KCNIP1: variants seen among roughly 807,000 people sequenced by gnomAD.
The protein encoded by KCNIP1 is A-type potassium channel modulatory protein KCNIP1.
Under a neutral mutation model 33.0 loss-of-function variants are expected in KCNIP1, and 18 were observed. The observed-to-expected ratio is 0.55, with a 90% CI of 0.38 to 0.81. The LOEUF is 0.81. Ranked by LOEUF, KCNIP1 falls within the 30% of genes least tolerant of loss-of-function variation. The pLI is 0.00. For missense variants in KCNIP1, 238 were observed against 271.6 expected, an observed-to-expected ratio of 0.88 and a Z score of 0.87; for synonymous variants, 93 against 98.3, an observed-to-expected ratio of 0.95 and a Z score of 0.32.
chr5:170,562,351 G>A (rs941744714), intron 1 of KCNIP1, among the ~76,000 whole-genome samples: 4 of 152,210 alleles, frequency 2.6e-5, no homozygotes, highest in African/African-American at 9.6e-5. Flanking sequence ...TGAAATCTGA[G>A]CTCAGAGACC....
At chr5:170,616,672 C>CA (rs1759385154) in intron 1 of KCNIP1, among the ~76,000 whole-genome samples, 1 of 152,170 alleles carries the variant, frequency 6.6e-6, no homozygotes, top group African/African-American at 2.4e-5. Flanking sequence ...CTTAGATACT[C>CA]AATCTGGCAC....
chr5:170,460,556 G>T (rs1385630786), intron 1 of KCNIP1, among the ~76,000 whole-genome samples: 1 of 152,134 alleles, frequency 6.6e-6, no homozygotes, highest in East Asian at 1.9e-4. Flanking sequence ...CAATAAATGT[G>T]ATACACCACA....
chr5:170,417,988 C>T (rs1215574675), intron 1 of KCNIP1, among the ~76,000 whole-genome samples: 1 of 152,162 alleles, frequency 6.6e-6, no homozygotes, highest in Non-Finnish European at 1.5e-5. Context: ...TGTGCTGCCA[C>T]GTTAAATTCT....
chr5:170,569,586 G>C (rs1052445530), intron 1 of KCNIP1, among the ~76,000 whole-genome samples: 2 of 152,080 alleles, frequency 1.3e-5, no homozygotes, highest in African/African-American at 4.8e-5. Context: ...GGTGGAAAAA[G>C]AGGTAGAACA....
intron 1 of KCNIP1, among the ~76,000 whole-genome samples, chr5:170,560,367 A>C (rs965931253): frequency 6.6e-6 from 1 of 152,224 alleles, no homozygotes. Flanking sequence ...CTGGAGGAAC[A>C]CAGCCAGAAT....
At chr5:170,518,396 T>G (rs1430775476) in intron 1 of KCNIP1, among the ~76,000 whole-genome samples, 1 of 152,236 alleles carries the variant, frequency 6.6e-6, no homozygotes, top group African/African-American at 2.4e-5. Context: ...CTTCTCTTAT[T>G]CCTGGTTGGT....
At chr5:170,485,447 G>C (rs907810239) in intron 1 of KCNIP1, among the ~76,000 whole-genome samples, 5 of 152,208 alleles carry the variant, frequency 3.3e-5, no homozygotes, top group African/African-American at 9.7e-5. Context: ...GAGGGTGGCT[G>C]GTGGCCCAGA....
At chr5:170,634,207 T>C (rs768616460) in intron 1 of KCNIP1, among the ~76,000 whole-genome samples, 1 of 152,180 alleles carries the variant, frequency 6.6e-6, no homozygotes, top group Admixed American at 6.5e-5. Context: ...TGAGGAAATA[T>C]CGGGAACTTA....
chr5:170,405,036 T>G (rs1350578009), intron 1 of KCNIP1, among the ~76,000 whole-genome samples: 1 of 152,192 alleles, frequency 6.6e-6, no homozygotes, highest in Admixed American at 6.5e-5. Flanking sequence ...GTAATTTTGA[T>G]TGTTTCCTTG....
intron 1 of KCNIP1, among the ~76,000 whole-genome samples, chr5:170,409,415 T>G (rs994781165): frequency 6.6e-6 from 1 of 152,180 alleles, no homozygotes; most frequent in Non-Finnish European, 1.5e-5. Flanking sequence ...ATGTGTCCAG[T>G]TGCTCTCAGC....
rs774895462 is a variant in KCNIP1, at chr5:170,722,725, G to A, written c.340G>A (p.Ala114Thr). The change falls in exon 5 of 8, where the codon GCT (alanine) becomes ACT (threonine). Residue 114 changes from alanine (A) to threonine (T), a missense_variant. By Grantham distance (58) the Ala-to-Thr change is moderately conservative. Coordinates refer to ENST00000328939, the MANE Select transcript of KCNIP1 (RefSeq NM_014592.4). ...TTCCCCTTCTCAGGACTTTGTAACC[G>A]CTCTGTCGATTTTATTGAGAGGAAC... ...GSVKFEDFVT[A>T]LSILLRGTVH... The A allele has an allele frequency of 1.1e-5, 18 of 1,612,032 alleles. No homozygotes were observed. Among genetic ancestry groups the A allele is most frequent in the Non-Finnish European group, 1.3e-5 (15 of 1,178,208 alleles).
In KCNIP1 at chr5:170,504,176, G is replaced by GGGGC; in HGVS notation, c.-390_-387dup. 3.0e-6 allele frequency: 3 copies of GGGGC among 1,012,798 alleles called. No individual in the cohort carries two copies. Among genetic ancestry groups the GGGGC allele is most frequent in the Non-Finnish European group, 3.5e-6 (3 of 848,578 alleles). 62.7% of individuals were successfully genotyped at this position (1,012,798 alleles called of 1,614,324 possible). On this transcript the variant is annotated 5_prime_UTR_variant, in exon 1 of 8. It introduces an in-frame stop codon into an upstream open reading frame of the 5' UTR. Transcript: ENST00000328939. The surrounding 1 kb of genome is among the most constrained non-coding windows in gnomAD (Gnocchi z 6.0). ...GAGGGGAGCCGAGTGTGCGGCAGGA[G>GGGGC]GGGCGGGCGGACGGCGGCTCCCGCA...
At chr5:170,712,019 T>A (rs1453387993) in intron 1 of KCNIP1, among the ~76,000 whole-genome samples, 1 of 151,980 alleles carries the variant, frequency 6.6e-6, no homozygotes, top group Non-Finnish European at 1.5e-5. Context: ...GAAGTTCAAA[T>A]AAGAGCCTAC....
intron 1 of KCNIP1, among the ~76,000 whole-genome samples, chr5:170,580,548 G>C (rs1238251825): frequency 6.6e-6 from 1 of 152,170 alleles, no homozygotes; most frequent in African/African-American, 2.4e-5. Flanking sequence ...GCCTCATGCT[G>C]CACTGAGCAG....
intron 1 of KCNIP1, among the ~76,000 whole-genome samples, chr5:170,411,457 A>G (rs1473888873): frequency 1.3e-5 from 2 of 152,130 alleles, no homozygotes; most frequent in South Asian, 2.1e-4. Flanking sequence ...AGAGAAAGAG[A>G]GAGATTGTGT....
chr5:170,553,887 A>G (rs1326639721), intron 1 of KCNIP1, among the ~76,000 whole-genome samples: 5 of 152,224 alleles, frequency 3.3e-5, no homozygotes, highest in Non-Finnish European at 5.9e-5. Flanking sequence ...CATCCTTCAC[A>G]TGAGAAAGTC....
chr5:170,610,794 AGT>A (rs1212269867), intron 1 of KCNIP1, among the ~76,000 whole-genome samples: 2 of 152,226 alleles, frequency 1.3e-5, no homozygotes, highest in Non-Finnish European at 2.9e-5. Flanking sequence ...GAACTGCTAG[AGT>A]GTGTTTCCTG....
At chr5:170,719,141 C>T (rs532068238) in intron 2 of KCNIP1, among the ~76,000 whole-genome samples, 4 of 152,154 alleles carry the variant, frequency 2.6e-5, no homozygotes, top group Non-Finnish European at 4.4e-5. Context: ...GGAATTCACC[C>T]TGGCCCAGGG....
At chr5:170,728,411 A>G (rs1202761770) in intron 5 of KCNIP1, among the ~76,000 whole-genome samples, 2 of 152,240 alleles carry the variant, frequency 1.3e-5, no homozygotes, top group Non-Finnish European at 2.9e-5. Flanking sequence ...TGTTAATGAC[A>G]TGATTTTCTA....
Sources: gnomAD v4.1 joint callset for allele counts (sites outside exome capture counted in the v4.1 genomes callset) on GRCh38, gnomAD v4.1.1 for gene constraint, Gnocchi (gnomAD v3.1) non-coding constraint, MANE v1.5 for transcripts, NCBI Gene and HGNC (gene_info 2026-07-23, HGNC 2026-07-21) for gene names.